Variants in TMEM236 observed in about 807,000 individuals in gnomAD.
TMEM236 encodes the protein transmembrane protein 236.
In TMEM236, 11 loss-of-function variants were observed where a neutral mutation model predicts 14.7. That is an observed-to-expected ratio of 0.75 (90% CI 0.47 to 1.24). TMEM236 has a LOEUF of 1.24. TMEM236 is among the 50% of genes most tolerant of loss of function. The pLI, the probability that TMEM236 is intolerant of heterozygous loss-of-function variation, is 0.00. For missense variants in TMEM236, 464 were observed against 427.3 expected, an observed-to-expected ratio of 1.09 and a Z score of -0.76; for synonymous variants, 182 against 168.6, an observed-to-expected ratio of 1.08 and a Z score of -0.62.
At position 17,780,585 on chromosome 10, in the gene TMEM236, T is replaced by C. The variant is rs896245109; in HGVS notation, c.472+4415T>C. Among the ~76,000 whole-genome samples, 35 of 152,156 alleles carry C rather than the reference T, an allele frequency of 2.3e-4. 1 individual carries two copies. The highest frequency in any genetic ancestry group is 7.0e-4 in the African/African-American group (29 of 41,502). Reference sequence around the variant, plus strand: ...GTTTGCAGGAGTTTGTAGGTAGACATGGTAAAGAAAGCTTTCTACATAGAA... The same window carrying C: ...GTTTGCAGGAGTTTGTAGGTAGACACGGTAAAGAAAGCTTTCTACATAGAA... On this transcript the variant is annotated intron_variant, in intron 3 of 3. Transcript: ENST00000377495.
chr10:17,773,028 T>C (rs1431821817), intron 2 of TMEM236, among the ~76,000 whole-genome samples: 1 of 152,190 alleles, frequency 6.6e-6, no homozygotes, highest in African/African-American at 2.4e-5. Flanking sequence ...AGCTGTAGAG[T>C]ATTACATTTT....
intron 1 of TMEM236, among the ~76,000 whole-genome samples, chr10:17,764,658 A>G (rs1837431419): frequency 1.3e-5 from 2 of 151,970 alleles, no homozygotes; most frequent in African/African-American, 4.8e-5. Flanking sequence ...TCCTTGTGAG[A>G]GATGTAAGTA....
intron 3 of TMEM236, among the ~76,000 whole-genome samples, chr10:17,787,254 C>T (rs909868856): frequency 3.9e-5 from 6 of 152,216 alleles, no homozygotes; most frequent in African/African-American, 9.6e-5. Flanking sequence ...TGCCAGACAG[C>T]GCTGGCACCC....
chr10:17,764,837 C>CTTTATTTTT (rs1554834224), intron 1 of TMEM236, among the ~76,000 whole-genome samples: 5 of 127,392 alleles, frequency 3.9e-5, no homozygotes, highest in Non-Finnish European at 8.1e-5. Flanking sequence ...CAGATTTTCC[C>CTTTATTTTT]TTTTTTTTTT....
intron 1 of TMEM236, among the ~76,000 whole-genome samples, chr10:17,761,733 T>C (rs1331377400): frequency 7.9e-5 from 12 of 151,412 alleles, no homozygotes; most frequent in Admixed American, 7.9e-4. Context: ...TTTCTGTATC[T>C]CAGCCGCACC....
At chr10:17,767,279 G>A (rs2131746026) in intron 1 of TMEM236, among the ~76,000 whole-genome samples, 1 of 152,156 alleles carries the variant, frequency 6.6e-6, no homozygotes, top group Non-Finnish European at 1.5e-5. Context: ...TGACCAAGAT[G>A]GTGAAACCCC....
In TMEM236 at chr10:17,796,199, A is replaced by G; in HGVS notation, c.751A>G (p.Met251Val). 3 of 1,613,934 alleles carry G rather than the reference A, an allele frequency of 1.9e-6. No individual in the cohort carries two copies. Among genetic ancestry groups the G allele is most frequent in the Non-Finnish European group, 1.7e-6 (2 of 1,179,846 alleles). The change falls in exon 4 of 4, where the codon ATG becomes GTG. Residue 251 changes from methionine (M) to valine (V), a missense_variant. Coordinates refer to ENST00000377495, the MANE Select transcript of TMEM236 (RefSeq NM_001098844.3). Reference sequence around the variant, plus strand: ...TCTCCTGTGGTCTGACACGATAGAAATGGTGCGTGTGGCTGGTCACCCCAA... The same window carrying G: ...TCTCCTGTGGTCTGACACGATAGAAGTGGTGCGTGTGGCTGGTCACCCCAA... The part of the protein sequence containing the change: ...SFLLWSDTIE[M>V]VRVAGHPNVY...
intron 3 of TMEM236, among the ~76,000 whole-genome samples, chr10:17,778,386 T>C (rs2131754819): frequency 6.6e-6 from 1 of 152,364 alleles, no homozygotes; most frequent in Non-Finnish European, 1.5e-5. Context: ...ATGAAATTAA[T>C]GATATAAATT....
At chr10:17,782,748 G>A (rs1269023241) in intron 3 of TMEM236, among the ~76,000 whole-genome samples, 2 of 152,040 alleles carry the variant, frequency 1.3e-5, no homozygotes, top group East Asian at 1.9e-4. Context: ...ACCGCGCCAG[G>A]CCTCATTATT....
chr10:17,763,967 G>A (rs1035809774), intron 1 of TMEM236, among the ~76,000 whole-genome samples: 1 of 152,084 alleles, frequency 6.6e-6, no homozygotes, highest in Non-Finnish European at 1.5e-5. Flanking sequence ...TGGGGTTGTC[G>A]TATGTAAAAT....
In TMEM236 at chr10:17,796,025, A is replaced by C. The variant is rs1181354259; in HGVS notation, c.577A>C (p.Asn193His). The change falls in exon 4 of 4, where the codon AAC becomes CAC. Residue 193 changes from asparagine (N) to histidine (H), a missense_variant. Transcript: ENST00000377495. Reference sequence around the variant, plus strand: ...AAACGCTGCATCTCCCCAGGCAACCAACAGCACCCAGGTGTCGCAGCCATC... The same window carrying C: ...AAACGCTGCATCTCCCCAGGCAACCCACAGCACCCAGGTGTCGCAGCCATC... ...PENAASPQAT[N>H]STQVSQPSGA... The C allele has an allele frequency of 1.9e-6, 3 of 1,613,874 alleles. No individual in the cohort carries two copies. In the African/African-American group the frequency reaches 4.0e-5, roughly 22 times the overall value.
chr10:17,763,489 T>C (rs1271080526), intron 1 of TMEM236, among the ~76,000 whole-genome samples: 1 of 152,182 alleles, frequency 6.6e-6, no homozygotes, highest in Non-Finnish European at 1.5e-5. Flanking sequence ...ATTTGATTCA[T>C]CCTTCCTACC....
intron 2 of TMEM236, among the ~76,000 whole-genome samples, chr10:17,773,361 TC>T (rs1311833925): frequency 6.6e-6 from 1 of 151,946 alleles, no homozygotes; most frequent in African/African-American, 2.4e-5. Flanking sequence ...GGAGACAGAG[TC>T]TTTCTCTGTT....
At chr10:17,765,270 T>G (rs1221780128) in intron 1 of TMEM236, among the ~76,000 whole-genome samples, 2 of 152,162 alleles carry the variant, frequency 1.3e-5, no homozygotes, top group South Asian at 4.1e-4. Flanking sequence ...CATGTCTGTT[T>G]TGGGGTATAT....
chr10:17,785,452 A>G (rs1362581938), intron 3 of TMEM236, among the ~76,000 whole-genome samples: 1 of 152,234 alleles, frequency 6.6e-6, no homozygotes, highest in African/African-American at 2.4e-5. Flanking sequence ...AGGCCAATCC[A>G]AATTCTTAAA....
intron 1 of TMEM236, among the ~76,000 whole-genome samples, chr10:17,760,071 C>T (rs551542980): frequency 5.6e-4 from 81 of 143,912 alleles, no homozygotes; most frequent in Non-Finnish European, 1.0e-3. Context: ...ACAACTGAAA[C>T]ACACAGCACT....
intron 1 of TMEM236, among the ~76,000 whole-genome samples, chr10:17,761,781 A>G (rs1222847506): frequency 1.3e-5 from 2 of 152,132 alleles, no homozygotes; most frequent in Non-Finnish European, 2.9e-5. Context: ...TGTAAATCAA[A>G]TATTGACATT....
At chr10:17,755,107 GT>G (rs1400481641) in intron 1 of TMEM236, among the ~76,000 whole-genome samples, 121 of 137,338 alleles carry the variant, frequency 8.8e-4, no homozygotes, top group African/African-American at 9.9e-4. Flanking sequence ...CCCGGCTAAT[GT>G]TTTTTTTTTT....
At chr10:17,768,401 T>A (rs911398939) in intron 1 of TMEM236, among the ~76,000 whole-genome samples, 37 of 152,230 alleles carry the variant, frequency 2.4e-4, no homozygotes, top group Middle Eastern at 3.4e-3. Flanking sequence ...ACAATTTTTT[T>A]AAAAAAGACT....
Sources: gnomAD v4.1 joint callset for allele counts (sites outside exome capture counted in the v4.1 genomes callset) on GRCh38, gnomAD v4.1.1 for gene constraint, MANE v1.5 for transcripts, NCBI Gene and HGNC (gene_info 2026-07-23, HGNC 2026-07-21) for gene names.